Variants in IFIT1 observed in about 807,000 individuals in gnomAD.
IFIT1 encodes the protein interferon induced protein with tetratricopeptide repeats 1, also known as antiviral innate immune response effector IFIT1.
A neutral mutation model predicts 2.5 loss-of-function variants in IFIT1; 1 was observed. That is an observed-to-expected ratio of 0.40 (90% CI 0.14 to 1.92). IFIT1 has a LOEUF of 1.92. Among genes scored for constraint, IFIT1 ranks in the 40% most tolerant of loss-of-function variants. The pLI is 0.31. For missense variants in IFIT1, 508 were observed against 557.8 expected (o/e 0.91, Z 0.90); for synonymous variants, 191 against 201.7 (o/e 0.95, Z 0.45).
chr10:89,397,442 G>A (rs1045324735), intron 1 of IFIT1, among the ~76,000 whole-genome samples: 2 of 151,906 alleles, frequency 1.3e-5, no homozygotes, highest in Admixed American at 6.6e-5. Flanking sequence ...TTCAGAAATT[G>A]TGTCCTCATC....
At position 89,402,684 on chromosome 10, in the gene IFIT1, G is replaced by T; in HGVS notation, c.409G>T (p.Glu137Ter). ...KLSNPFRYRM[E>*]CPEIDCEEGW... ...TTCAAATCCCTTCCGCTATAGAATGGAGTGTCCAGAAATAGACTGTGAGGA... is the reference window on the plus strand; with the variant it reads ...TTCAAATCCCTTCCGCTATAGAATGTAGTGTCCAGAAATAGACTGTGAGGA... The change falls in exon 2 of 2, where the codon GAG (glutamate) becomes TAG (stop). Residue 137 changes from glutamate (E) to a stop codon, truncating the protein, a stop_gained. Transcript: ENST00000371804. LOFTEE classifies it low-confidence loss of function (END_TRUNC). 5 of 1,614,198 alleles carry T rather than the reference G, an allele frequency of 3.1e-6. No homozygotes were observed. The highest frequency in any genetic ancestry group is 3.4e-6 in the Non-Finnish European group (4 of 1,180,016).
At chr10:89,393,102 T>C (rs1165665820) in intron 1 of IFIT1, 2 of 1,293,706 alleles carry the variant, frequency 1.5e-6, no homozygotes, top group African/African-American at 3.0e-5. Context: ...CATTGCTTTC[T>C]GCAGGTTCTT....
intron 1 of IFIT1, among the ~76,000 whole-genome samples, chr10:89,395,068 T>C (rs1216807373): frequency 6.6e-6 from 1 of 152,196 alleles, no homozygotes; most frequent in East Asian, 1.9e-4. Context: ...CTCCACCTTT[T>C]TCCAGTTCCT....
At position 89,403,372 on chromosome 10, in the gene IFIT1, T is replaced by G. The variant is rs141445961; in HGVS notation, c.1097T>G (p.Leu366Trp). The G allele has an allele frequency of 1.5e-5, 24 of 1,613,338 alleles. No individual in the cohort carries two copies. In the East Asian group the frequency reaches 5.3e-4, roughly 36 times the overall value. ...AAAGCTGAAGAGAATTTTCAAAAATTGTTATGCATGAAACCAGTGGTAGAA... is the reference window on the plus strand; with the variant it reads ...AAAGCTGAAGAGAATTTTCAAAAATGGTTATGCATGAAACCAGTGGTAGAA... ...HRKAEENFQK[L>W]LCMKPVVEET... The change falls in exon 2 of 2, where the codon TTG becomes TGG. Residue 366 changes from leucine (L) to tryptophan (W), a missense_variant. Transcript: ENST00000371804.
intron 1 of IFIT1, among the ~76,000 whole-genome samples, chr10:89,400,034 A>G (rs1445990852): frequency 1.3e-5 from 2 of 152,222 alleles, no homozygotes; most frequent in African/African-American, 4.8e-5. Flanking sequence ...TGTTTAAGAC[A>G]CCCACTCTGT....
Position 89,394,617 on chromosome 10 carries a change from TATATATATATAA to T in IFIT1, c.5+1902_5+1913del, listed in dbSNP as rs1464397196. Among the ~76,000 whole-genome samples the T allele has an allele frequency of 8.5e-3, 231 of 27,040 alleles. 11 individuals carry two copies. Among genetic ancestry groups the T allele is most frequent in the African/African-American group, 0.038 (138 of 3,624 alleles). 17.7% of individuals were successfully genotyped at this position (27,040 alleles called of 152,430 possible). On this transcript the variant is annotated intron_variant, in intron 1 of 1. Coordinates refer to ENST00000371804, the MANE Select transcript of IFIT1 (RefSeq NM_001548.5). Reference sequence around the variant, plus strand: ...ATATATATATATATATATATATATATATATATATATAAAACTTGAATTTTATTCAGGTTAGCA... The same window carrying T: ...ATATATATATATATATATATATATATAACTTGAATTTTATTCAGGTTAGCA...
chr10:89,403,575 G>C lies in IFIT1; in HGVS notation c.1300G>C (p.Ala434Pro), dbSNP rs773499776. ...KLVLRKLRRKALDLESLSLLG... is the reference protein window; with the variant it reads ...KLVLRKLRRKPLDLESLSLLG... Reference sequence around the variant, plus strand: ...GGTTTTAAGGAAACTTCGGAGAAAGGCATTAGATCTGGAAAGCTTGAGCCT... The same window carrying C: ...GGTTTTAAGGAAACTTCGGAGAAAGCCATTAGATCTGGAAAGCTTGAGCCT... The change falls in exon 2 of 2, where the codon GCA becomes CCA. Residue 434 changes from alanine to proline, a missense_variant. Transcript: ENST00000371804. 7 of 1,613,926 alleles carry C rather than the reference G, an allele frequency of 4.3e-6. No individual in the cohort carries two copies. The highest frequency in any genetic ancestry group is 5.9e-6 in the Non-Finnish European group (7 of 1,179,926).
rs1004771161 is a variant in IFIT1, at chr10:89,404,973, G to T, written c.*1261G>T. On this transcript the variant is annotated 3_prime_UTR_variant, in exon 2 of 2. Transcript: ENST00000371804. Reference sequence around the variant, plus strand: ...AGACCCCATCTCAAAAAAAAAAAAAGTTCTCTCCAATTGTATATAGCTTGT... The same window carrying T: ...AGACCCCATCTCAAAAAAAAAAAAATTTCTCTCCAATTGTATATAGCTTGT... The T allele has an allele frequency of 6.6e-6, 1 of 150,930 alleles. No individual in the cohort carries two copies. The highest frequency in any genetic ancestry group is 1.5e-5 in the Non-Finnish European group (1 of 67,826). 9.3% of individuals were successfully genotyped at this position (150,930 alleles called of 1,614,324 possible).
chr10:89,402,885 C>T lies in IFIT1; in HGVS notation c.610C>T (p.Leu204Phe). 6.2e-7 allele frequency: 1 copy of T among 1,614,202 alleles called. No individual in the cohort carries two copies. Among genetic ancestry groups the T allele is most frequent in the Non-Finnish European group, 8.5e-7 (1 of 1,180,030 alleles). Reference sequence around the variant, plus strand: ...AAAAAATCACAAGCCATTTTCTTTGCTTCCCCTAAGGCAGGCTGTCCGCTT... The same window carrying T: ...AAAAAATCACAAGCCATTTTCTTTGTTTCCCCTAAGGCAGGCTGTCCGCTT... The part of the protein sequence containing the change: ...ATKNHKPFSL[L>F]PLRQAVRLNP... The change falls in exon 2 of 2, where the codon CTT becomes TTT. Residue 204 changes from leucine (L) to phenylalanine (F), a missense_variant. Transcript: ENST00000371804.
chr10:89,397,171 G>A (rs79842109), intron 1 of IFIT1, among the ~76,000 whole-genome samples: 3,137 of 151,996 alleles, frequency 0.021, 63 homozygotes, highest in South Asian at 0.081. Flanking sequence ...TTATTTAACC[G>A]TTCCCTATTA....
Position 89,403,890 on chromosome 10 carries a change from A to T in IFIT1, c.*178A>T. 1 of 527,866 alleles carries T rather than the reference A, an allele frequency of 1.9e-6. No homozygotes were observed. Among genetic ancestry groups the T allele is most frequent in the Admixed American group, 3.7e-5 (1 of 27,200 alleles). 32.7% of individuals were successfully genotyped at this position (527,866 alleles called of 1,614,324 possible). On this transcript the variant is annotated 3_prime_UTR_variant, in exon 2 of 2. Coordinates refer to ENST00000371804, the MANE Select transcript of IFIT1 (RefSeq NM_001548.5). The stretch of plus-strand genomic sequence containing the variant: ...ACAATTAGTGAAACAGAATGTGTGT[A>T]TGCATGTAAGAAAGAGAAATCATTT...
chr10:89,395,369 G>C (rs1455753545), intron 1 of IFIT1, among the ~76,000 whole-genome samples: 2 of 152,224 alleles, frequency 1.3e-5, no homozygotes, highest in African/African-American at 4.8e-5. Flanking sequence ...CTCGCTGGTT[G>C]AGCAGGCATG....
chr10:89,400,324 G>T (rs1004877647), intron 1 of IFIT1, among the ~76,000 whole-genome samples: 8 of 152,086 alleles, frequency 5.3e-5, no homozygotes, highest in African/African-American at 1.9e-4. Flanking sequence ...ATGTCATTGG[G>T]ATTTTTATTA....
Position 89,402,491 on chromosome 10 carries a change from G to A in IFIT1, c.216G>A (p.Leu72=), listed in dbSNP as rs746516560. The A allele has an allele frequency of 6.2e-7, 1 of 1,614,164 alleles. No individual in the cohort carries two copies. The highest frequency in any genetic ancestry group is 1.7e-5 in the Admixed American group (1 of 60,014). ...TGAAAGGCCAGAATGAGGAAGCCCTGAAGAGCTTAAAAGAAGCTGAAAACT... is the reference window on the plus strand; with the variant it reads ...TGAAAGGCCAGAATGAGGAAGCCCTAAAGAGCTTAAAAGAAGCTGAAAACT... ...KHLKGQNEEA[L]KSLKEAENLM... is the part of the protein sequence containing the mutation. The change falls in exon 2 of 2, where the codon CTG becomes CTA. Residue 72 remains leucine (L), a synonymous_variant. Transcript: ENST00000371804.
chr10:89,394,599 TATA>T (rs1187163496), intron 1 of IFIT1, among the ~76,000 whole-genome samples: 1 of 27,966 alleles, frequency 3.6e-5, no homozygotes, highest in African/African-American at 1.1e-4. Flanking sequence ...TATATATATA[TATA>T]TATATATATA....
Position 89,402,740 on chromosome 10 carries a change from A to G in IFIT1, c.465A>G (p.Lys155=), listed in dbSNP as rs303211. 0.95 allele frequency: 1,538,643 copies of G among 1,614,220 alleles called. 733,546 individuals are homozygous for G. Among genetic ancestry groups the G allele is most frequent in the East Asian group, 1 (44,882 of 44,886 alleles). ...EGWALLKCGG[K]NYERAKACFE... ...GGGCCTTGCTGAAGTGTGGAGGAAA[A>G]AATTATGAACGGGCCAAGGCCTGCT... is the stretch of plus-strand genomic sequence containing the variant. Residue 155 remains lysine, a synonymous_variant, in exon 2 of 2, where the codon AAA becomes AAG. Coordinates refer to ENST00000371804, the MANE Select transcript of IFIT1 (RefSeq NM_001548.5).
intron 1 of IFIT1, among the ~76,000 whole-genome samples, chr10:89,397,626 T>C (rs1478014119): frequency 6.6e-6 from 1 of 152,246 alleles, no homozygotes; most frequent in African/African-American, 2.4e-5. Context: ...ATCTCCTGCC[T>C]TGGCCTCCCA....
intron 1 of IFIT1, among the ~76,000 whole-genome samples, chr10:89,394,282 C>A (rs1221950808): frequency 6.6e-6 from 1 of 152,126 alleles, no homozygotes; most frequent in Non-Finnish European, 1.5e-5. Context: ...TATAGGACCA[C>A]CACCAAATAT....
intron 1 of IFIT1, among the ~76,000 whole-genome samples, chr10:89,395,250 T>C (rs1844324530): frequency 7.3e-6 from 1 of 136,422 alleles, no homozygotes; most frequent in South Asian, 2.6e-4. Flanking sequence ...CATGACCCCT[T>C]GGCAAAATTG....
Sources: allele counts gnomAD v4.1 joint callset (sites outside exome capture counted in the v4.1 genomes callset), GRCh38; gene constraint gnomAD v4.1.1; transcripts MANE v1.5; gene names NCBI Gene and HGNC (gene_info 2026-07-23, HGNC 2026-07-21).